The following SLC26A5 variants were observed in gnomAD, a reference collection of about 807,000 sequenced individuals.
SLC26A5 encodes solute carrier family 26 member 5.
A neutral mutation model predicts 81.0 loss-of-function variants in SLC26A5; 51 were observed. The observed-to-expected ratio is 0.63, with a 90% CI of 0.50 to 0.80. The LOEUF (loss-of-function observed/expected upper bound fraction) is 0.80. Ranked by LOEUF, SLC26A5 falls within the 30% of genes least tolerant of loss-of-function variation. The pLI is 0.00. For missense variants in SLC26A5, 771 were observed against 905.8 expected, an observed-to-expected ratio of 0.85 and a Z score of 1.91; for synonymous variants, 325 against 332.8, an observed-to-expected ratio of 0.98 and a Z score of 0.25.
rs1821197255 is a variant in SLC26A5, at chr7:103,374,453, G to A, written c.2181C>T (p.Pro727=). Residue 727 remains proline (P), a synonymous_variant, in exon 20 of 20, where the codon CCC becomes CCT. Transcript: ENST00000306312. ...TGGGCTCCAAGTCCTCCTGGGAAGG[G>A]GGAGCCGAGGCTTCCTGTTCAGCAA... ...EALAEQEASA[P]PSQEDLEPNA... The A allele has an allele frequency of 6.2e-7, 1 of 1,613,022 alleles. No individual in the cohort carries two copies. The highest frequency in any genetic ancestry group is 8.5e-7 in the Non-Finnish European group (1 of 1,180,036).
intron 11 of SLC26A5, 33 bp downstream of exon 11, chr7:103,391,588 AT>A: frequency 6.6e-7 from 1 of 1,521,486 alleles, no homozygotes; most frequent in Non-Finnish European, 9.1e-7. Flanking sequence ...TACCACCCAT[AT>A]CATCAGGTCT....
chr7:103,421,335 A>G, intron 3 of SLC26A5, 28 bp downstream of exon 3: 1 of 1,613,302 alleles, frequency 6.2e-7, no homozygotes, highest in Non-Finnish European at 8.5e-7. Context: ...ATGATACAAT[A>G]ACAGAAACAG....
At chr7:103,430,280 T>C (rs984124457) in intron 2 of SLC26A5, among the ~76,000 whole-genome samples, 2 of 152,160 alleles carry the variant, frequency 1.3e-5, no homozygotes, top group African/African-American at 4.8e-5. Flanking sequence ...AGTTTTACTA[T>C]GCTGGCCAGG....
chr7:103,396,910 C>A (rs1324556068), intron 9 of SLC26A5, among the ~76,000 whole-genome samples: 1 of 151,532 alleles, frequency 6.6e-6, no homozygotes, highest in East Asian at 1.9e-4. Flanking sequence ...GCCTGGCCAA[C>A]ATAGTGAAAC....
intron 5 of SLC26A5, among the ~76,000 whole-genome samples, chr7:103,412,742 G>A (rs1824602510): frequency 6.6e-6 from 1 of 151,802 alleles, no homozygotes. Context: ...AAAGAGATGG[G>A]GTTTCACTAT....
chr7:103,419,249 A>T (rs115182477), intron 4 of SLC26A5, among the ~76,000 whole-genome samples: 2,417 of 152,268 alleles, frequency 0.016, 61 homozygotes, highest in African/African-American at 0.055. Context: ...AGACTTATGC[A>T]CAAAGAAAAC....
chr7:103,387,744 C>T (rs147920171), intron 14 of SLC26A5, among the ~76,000 whole-genome samples: 3,033 of 152,126 alleles, frequency 0.02, 59 homozygotes, highest in Non-Finnish European at 0.036. Flanking sequence ...TGCAATGGCA[C>T]GACCTCGGCT....
At chr7:103,430,330 C>T (rs937126544) in intron 2 of SLC26A5, among the ~76,000 whole-genome samples, 5 of 152,138 alleles carry the variant, frequency 3.3e-5, no homozygotes, top group African/African-American at 4.8e-5. Flanking sequence ...CCGCCCGCCT[C>T]GGCCTCCCAA....
At chr7:103,437,575 T>C (rs569217292) in intron 2 of SLC26A5, among the ~76,000 whole-genome samples, 13 of 152,292 alleles carry the variant, frequency 8.5e-5, no homozygotes, top group Admixed American at 5.9e-4. Flanking sequence ...ATGTGGTACA[T>C]AGACACAGTG....
chr7:103,399,790 A>C (rs12537339), intron 8 of SLC26A5, among the ~76,000 whole-genome samples: 8,294 of 152,148 alleles, frequency 0.055, 441 homozygotes, highest in East Asian at 0.27. Flanking sequence ...CTCATTGTTC[A>C]ACTCCCACTT....
intron 19 of SLC26A5, chr7:103,353,803 A>G: frequency 1.2e-6 from 1 of 847,230 alleles, no homozygotes; most frequent in Non-Finnish European, 1.9e-6. Flanking sequence ...ATCTTGCTTG[A>G]TTTTTGACAC....
intron 4 of SLC26A5, among the ~76,000 whole-genome samples, chr7:103,417,672 A>G (rs982341311): frequency 6.6e-6 from 1 of 152,184 alleles, no homozygotes; most frequent in Non-Finnish European, 1.5e-5. Context: ...CAAACATGAA[A>G]TATCTACTTG....
downstream of SLC26A5, among the ~76,000 whole-genome samples, chr7:103,371,898 T>C (rs1821064532): frequency 6.6e-6 from 1 of 151,776 alleles, no homozygotes; most frequent in South Asian, 2.1e-4. Context: ...GGTTTCACCA[T>C]GATGGCCAGG....
In SLC26A5 at chr7:103,378,798, C is replaced by T. The variant is rs188487033; in HGVS notation, c.1678-245G>A. ...TATTAAAGACAATTTTTAGAGCAGTCTTTTTCAAGTTCAGATCTGTCAGGT... is the reference window on the plus strand; with the variant it reads ...TATTAAAGACAATTTTTAGAGCAGTTTTTTTCAAGTTCAGATCTGTCAGGT... On this transcript the variant is annotated intron_variant, in intron 16 of 19. Transcript: ENST00000306312. Among the ~76,000 whole-genome samples the T allele has an allele frequency of 5.9e-5, 9 of 152,272 alleles. No homozygotes were observed. In the East Asian group the frequency reaches 1.5e-3, roughly 26 times the overall value.
At chr7:103,363,258 T>G in intron 19 of SLC26A5, 1 of 1,044,788 alleles carries the variant, frequency 9.6e-7, no homozygotes, top group Non-Finnish European at 1.4e-6. Flanking sequence ...AGTTTTTCTT[T>G]TAAGGTATTA....
chr7:103,403,957 C>T (rs1229058086), intron 8 of SLC26A5, among the ~76,000 whole-genome samples: 1 of 152,054 alleles, frequency 6.6e-6, no homozygotes, highest in African/African-American at 2.4e-5. Flanking sequence ...CTAAGGCAGG[C>T]AGATCACCTG....
intron 8 of SLC26A5, among the ~76,000 whole-genome samples, chr7:103,407,564 C>A (rs1220273683): frequency 6.6e-6 from 1 of 152,004 alleles, no homozygotes; most frequent in Non-Finnish European, 1.5e-5. Flanking sequence ...AAACAATTAG[C>A]CAATAAAAAT....
Position 103,389,309 on chromosome 7 carries a change from C to T in SLC26A5, c.1407+20G>A. On this transcript the variant is annotated intron_variant, in intron 13 of 19. Coordinates refer to ENST00000306312, the MANE Select transcript of SLC26A5 (RefSeq NM_198999.3). The stretch of plus-strand genomic sequence containing the variant: ...TCTGCTCTATGACATATTAACAGAG[C>T]CATCACCTTTGTTACTTACCAGCTC... The T allele has an allele frequency of 6.5e-7, 1 of 1,527,452 alleles. No individual in the cohort carries two copies. Among genetic ancestry groups the T allele is most frequent in the African/African-American group, 1.4e-5 (1 of 73,348 alleles). 94.6% of individuals were successfully genotyped at this position (1,527,452 alleles called of 1,614,324 possible).
In SLC26A5 at chr7:103,413,124, A is replaced by G. The variant is rs1280438074; in HGVS notation, c.293-12T>C. On this transcript the variant is annotated splice_polypyrimidine_tract_variant and intron_variant, in intron 4 of 19. Transcript: ENST00000306312. ...TGCAAAGGCTAAGCCTGTGGGATTAAAAACCAAACAGAAATGGGGGATCAT... is the reference window on the plus strand; with the variant it reads ...TGCAAAGGCTAAGCCTGTGGGATTAGAAACCAAACAGAAATGGGGGATCAT... 1 of 1,557,632 alleles carries G rather than the reference A, an allele frequency of 6.4e-7. No homozygotes were observed.
Sources: allele counts gnomAD v4.1 joint callset (sites outside exome capture counted in the v4.1 genomes callset), GRCh38; gene constraint gnomAD v4.1.1; transcripts MANE v1.5; gene names NCBI Gene and HGNC (gene_info 2026-07-23, HGNC 2026-07-21).